Variants in FUT9 observed in about 807,000 individuals in gnomAD.
The protein encoded by FUT9 is fucosyltransferase 9.
A neutral mutation model predicts 29.7 loss-of-function variants in FUT9; 15 were observed. The observed-to-expected ratio is 0.51, with a 90% CI of 0.34 to 0.78. The LOEUF is 0.78. Ranked by LOEUF, FUT9 falls within the 30% of genes least tolerant of loss-of-function variation. The pLI is 0.01. For missense variants in FUT9, 319 were observed against 425.4 expected (o/e 0.75, Z 2.20); for synonymous variants, 169 against 153.7 (o/e 1.10, Z -0.74).
At chr6:96,139,679 G>A (rs918031500) in intron 2 of FUT9, among the ~76,000 whole-genome samples, 1 of 152,108 alleles carries the variant, frequency 6.6e-6, no homozygotes, top group Admixed American at 6.5e-5. Context: ...CTTGACTTCT[G>A]TGCACCCACA....
intron 2 of FUT9, among the ~76,000 whole-genome samples, chr6:96,178,001 C>T (rs1282802933): frequency 6.6e-6 from 1 of 152,082 alleles, no homozygotes; most frequent in Non-Finnish European, 1.5e-5. Flanking sequence ...TGAGGAACTC[C>T]CATTCTTAAA....
At position 96,204,356 on chromosome 6, in the gene FUT9, G is replaced by C; in HGVS notation, c.*121G>C. On this transcript the variant is annotated 3_prime_UTR_variant, in exon 3 of 3. Coordinates refer to ENST00000302103, the MANE Select transcript of FUT9 (RefSeq NM_006581.4). ...CAATTTATTTTTATCACCCTCTCTA[G>C]GGTAACGTGTATATTTTGGTGGAGA... 1 of 638,434 alleles carries C rather than the reference G, an allele frequency of 1.6e-6. No individual in the cohort carries two copies. Among genetic ancestry groups the C allele is most frequent in the Non-Finnish European group, 2.5e-6 (1 of 406,340 alleles). The allele number at this position is 638,434 out of a possible 1,614,324, so 39.5% of individuals were successfully genotyped here.
intron 1 of FUT9, among the ~76,000 whole-genome samples, chr6:96,063,140 C>T (rs1770905105): frequency 6.6e-6 from 1 of 152,152 alleles, no homozygotes; most frequent in South Asian, 2.1e-4. Context: ...GCTTATAAAA[C>T]ATCAATCCAG....
rs117360351 is a variant in FUT9 at position 96,170,408 on chromosome 6, A to G, written c.-8-32740A>G. ...TTAACAGCAGGGATTTTTTCTAACC[A>G]TAAACTGAAAAATATACCCATATTA... On this transcript the variant is annotated intron_variant, in intron 2 of 2. Coordinates refer to ENST00000302103, the MANE Select transcript of FUT9 (RefSeq NM_006581.4). 2.3e-3 allele frequency among the ~76,000 whole-genome samples: 346 copies of G among 152,300 alleles called. 1 individual carries two copies. Among genetic ancestry groups the G allele is most frequent in the Non-Finnish European group, 3.9e-3 (263 of 68,000 alleles).
intron 1 of FUT9, among the ~76,000 whole-genome samples, chr6:96,050,111 T>C (rs574643201): frequency 2.6e-5 from 4 of 152,222 alleles, no homozygotes; most frequent in South Asian, 2.1e-4. Context: ...TCTGCTCATA[T>C]GCATGCTCCA....
intron 2 of FUT9, among the ~76,000 whole-genome samples, chr6:96,189,063 T>G (rs942634034): frequency 7.2e-5 from 11 of 152,234 alleles, no homozygotes; most frequent in African/African-American, 1.4e-4. Context: ...AAATGTGTAC[T>G]TGGGGTTTTG....
intron 1 of FUT9, among the ~76,000 whole-genome samples, chr6:96,092,147 T>C (rs776377869): frequency 1.3e-5 from 2 of 152,112 alleles, no homozygotes; most frequent in African/African-American, 4.8e-5. Context: ...ATCAGATTAA[T>C]AGATTAGAGA....
At chr6:96,152,741 C>T (rs1772700379) in intron 2 of FUT9, among the ~76,000 whole-genome samples, 1 of 152,122 alleles carries the variant, frequency 6.6e-6, no homozygotes, top group African/African-American at 2.4e-5. Flanking sequence ...AAGACTTTGC[C>T]TACGAATATT....
rs571712291 is a variant in FUT9, at chr6:96,197,420, G to T, written c.-8-5728G>T. On this transcript the variant is annotated intron_variant, in intron 2 of 2. Transcript: ENST00000302103. ...AACACAAATTTTATAGCATTCCAGA[G>T]ATCAACCAGTGTCTTCATGCCAAAA... is the stretch of plus-strand genomic sequence containing the variant. Among the ~76,000 whole-genome samples the T allele has an allele frequency of 6.7e-5, 9 of 135,150 alleles. No homozygotes were observed. The South Asian group carries it at 2.5e-3, about 38-fold the overall frequency. The allele number at this position is 135,150 out of a possible 152,430, so 88.7% of individuals were successfully genotyped here.
rs1773925173 is a variant in FUT9 at position 96,210,918 on chromosome 6, G to A, written c.*6683G>A. On this transcript the variant is annotated 3_prime_UTR_variant, in exon 3 of 3. Transcript: ENST00000302103. Reference sequence around the variant, plus strand: ...CCTCAGATTTTGCAGCTGTAAAGCAGAGGTAGCATATTTCTGAGAAATTAT... The same window carrying A: ...CCTCAGATTTTGCAGCTGTAAAGCAAAGGTAGCATATTTCTGAGAAATTAT... 1 of 166,770 alleles carries A rather than the reference G, an allele frequency of 6.0e-6. No homozygotes were observed. The allele number at this position is 166,770 out of a possible 1,614,324, so 10.3% of individuals were successfully genotyped here.
chr6:96,154,707 T>A (rs984018830), intron 2 of FUT9, among the ~76,000 whole-genome samples: 3 of 152,378 alleles, frequency 2.0e-5, no homozygotes, highest in Non-Finnish European at 4.4e-5. Flanking sequence ...CACATCTTCC[T>A]ATAATATTGT....
chr6:96,064,103 T>A (rs777346772), intron 1 of FUT9, among the ~76,000 whole-genome samples: 1 of 152,146 alleles, frequency 6.6e-6, no homozygotes, highest in African/African-American at 2.4e-5. Flanking sequence ...CTACTCACAT[T>A]GGGGTAGAAC....
chr6:96,162,188 C>T (rs1485892322), intron 2 of FUT9, among the ~76,000 whole-genome samples: 6 of 152,136 alleles, frequency 3.9e-5, no homozygotes, highest in Admixed American at 6.6e-5. Flanking sequence ...AGTTCTGATG[C>T]GTGCTTTTTC....
intron 2 of FUT9, among the ~76,000 whole-genome samples, chr6:96,144,856 CA>C (rs1772535405): frequency 6.6e-6 from 1 of 152,128 alleles, no homozygotes; most frequent in African/African-American, 2.4e-5. Flanking sequence ...TTTTATTAAC[CA>C]CATAAGCCCA....
At chr6:96,120,591 C>CTTTTTTTT (rs57515226) in intron 2 of FUT9, among the ~76,000 whole-genome samples, 1 of 55,312 alleles carries the variant, frequency 1.8e-5, no homozygotes. Flanking sequence ...GCAAGACCAC[C>CTTTTTTTT]TTTTTTTTTT....
intron 2 of FUT9, among the ~76,000 whole-genome samples, chr6:96,172,541 G>C (rs1273070103): frequency 6.6e-6 from 1 of 151,852 alleles, no homozygotes; most frequent in Non-Finnish European, 1.5e-5. Context: ...GTAAATTTTT[G>C]CCCCTTTCTA....
At chr6:96,033,126 A>G (rs1171914030) in intron 1 of FUT9, among the ~76,000 whole-genome samples, 2 of 151,716 alleles carry the variant, frequency 1.3e-5, no homozygotes, top group Non-Finnish European at 3.0e-5. Context: ...TTATGCAGAT[A>G]AAAAGAAAGG....
At chr6:96,147,379 G>C (rs535187507) in intron 2 of FUT9, among the ~76,000 whole-genome samples, 1 of 152,114 alleles carries the variant, frequency 6.6e-6, no homozygotes, top group South Asian at 2.1e-4. Flanking sequence ...GTATTGGCCA[G>C]GCTGGTCTGG....
chr6:96,055,381 G>GTTT (rs1770743490), intron 1 of FUT9, among the ~76,000 whole-genome samples: 1 of 103,328 alleles, frequency 9.7e-6, no homozygotes, highest in Non-Finnish European at 2.2e-5. Context: ...GGCTGTTTGG[G>GTTT]GTTTGTTTTT....
Sources: allele counts gnomAD v4.1 joint callset (sites outside exome capture counted in the v4.1 genomes callset), GRCh38; gene constraint gnomAD v4.1.1; transcripts MANE v1.5; gene names NCBI Gene and HGNC (gene_info 2026-07-23, HGNC 2026-07-21).